The following TICAM2 variants were observed in gnomAD, a reference collection of about 807,000 sequenced individuals.
TICAM2 encodes TIR domain-containing adapter molecule 2.
TICAM2 carries 8 observed loss-of-function variants against 7.3 expected under a neutral mutation model. The observed-to-expected ratio is 1.10, with a 90% confidence interval of 0.65 to 1.99. The LOEUF (loss-of-function observed/expected upper bound fraction) is 1.99, where lower values mean the gene tolerates loss of function less well. TICAM2 is among the 30% of genes most tolerant of loss of function. TICAM2 has a pLI of 0.00. For synonymous variants in TICAM2, 113 were observed against 99.6 expected, an observed-to-expected ratio of 1.13 and a Z score of -0.80; for missense variants, 304 against 278.8, an observed-to-expected ratio of 1.09 and a Z score of -0.65.
Position 115,580,974 on chromosome 5 carries a change from T to C in TICAM2, c.283A>G (p.Arg95Gly). 1 of 1,613,834 alleles carries C rather than the reference T, an allele frequency of 6.2e-7. No individual in the cohort carries two copies. The highest frequency in any genetic ancestry group is 8.5e-7 in the Non-Finnish European group (1 of 1,179,818). The change falls in exon 2 of 2, where the codon AGA becomes GGA. Residue 95 changes from arginine to glycine, a missense_variant. By Grantham distance (125) the Arg-to-Gly change is moderately radical. Coordinates refer to ENST00000427199, the MANE Select transcript of TICAM2 (RefSeq NM_021649.7). ...HAEDDTDEAL[R>G]VQNLLQDDFG... ...TCATCTTGTAGCAGATTCTGGACTC[T>C]GAGGGCTTCATCTGTGTCATCTTCT...
At position 115,595,117 on chromosome 5, in the gene TICAM2, T is replaced by C. The variant is rs115505430; in HGVS notation, c.-60+6980A>G. Among the ~76,000 whole-genome samples the C allele has an allele frequency of 5.2e-3, 798 of 152,232 alleles. 7 individuals carry two copies. The highest frequency in any genetic ancestry group is 0.013 in the Admixed American group (199 of 15,286). ...AGTCATTCCCTCTGTTGACCAAAGT[T>C]TGCTTACTGGGTCAAGCGAATAGTA... On this transcript the variant is annotated intron_variant, in intron 1 of 1. Coordinates refer to ENST00000427199, the MANE Select transcript of TICAM2 (RefSeq NM_021649.7).
At chr5:115,600,728 G>C (rs1011135128) in intron 1 of TICAM2, among the ~76,000 whole-genome samples, 2 of 152,024 alleles carry the variant, frequency 1.3e-5, no homozygotes, top group African/African-American at 4.8e-5. Context: ...GGGGTAATGG[G>C]GACAAAAAGC....
At chr5:115,586,273 T>C (rs1308792412) in intron 1 of TICAM2, among the ~76,000 whole-genome samples, 3 of 152,204 alleles carry the variant, frequency 2.0e-5, no homozygotes, top group African/African-American at 7.2e-5. Context: ...TTATTTGTGT[T>C]GTGTTACAAA....
intron 1 of TICAM2, among the ~76,000 whole-genome samples, 169 bp from the exon 2 acceptor site, chr5:115,581,484 A>T (rs1019539407): frequency 6.6e-6 from 1 of 152,218 alleles, no homozygotes; most frequent in African/African-American, 2.4e-5. Flanking sequence ...TGTGAGCTTT[A>T]CAAGGGCTAT....
At chr5:115,599,016 C>G (rs1359985441) in intron 1 of TICAM2, among the ~76,000 whole-genome samples, 21 of 150,896 alleles carry the variant, frequency 1.4e-4, no homozygotes, top group Admixed American at 8.6e-4. Context: ...ATTGCTTGAG[C>G]CTGTGAGTTT....
At chr5:115,585,484 T>A (rs1755070544) in intron 1 of TICAM2, among the ~76,000 whole-genome samples, 1 of 152,250 alleles carries the variant, frequency 6.6e-6, no homozygotes, top group South Asian at 2.1e-4. Context: ...GGAAGCAGCA[T>A]GGTTTACATT....
chr5:115,580,168 A>AT lies in TICAM2; in HGVS notation c.*380dup, dbSNP rs890852724. The AT allele has an allele frequency of 3.6e-4, 60 of 165,956 alleles. No individual in the cohort carries two copies. Among genetic ancestry groups the AT allele is most frequent in the African/African-American group, 1.2e-3 (52 of 41,862 alleles). The allele number at this position is 165,956 out of a possible 1,614,324, so 10.3% of individuals were successfully genotyped here. ...AAGTGTGATCAGATCTCCTGGGGCC[A>AT]TTTTTTTTCTGTGTCCTTTGAGATC... On this transcript the variant is annotated 3_prime_UTR_variant, in exon 2 of 2. Coordinates refer to ENST00000427199, the MANE Select transcript of TICAM2 (RefSeq NM_021649.7).
chr5:115,580,553 G>A lies in TICAM2; in HGVS notation c.704C>T (p.Ala235Val), dbSNP rs758184550. 3.8e-6 allele frequency: 6 copies of A among 1,587,668 alleles called. No homozygotes were observed. Among genetic ancestry groups the A allele is most frequent in the Non-Finnish European group, 4.3e-6 (5 of 1,170,780 alleles). ...TRNMVQRQFI[A>V] ...CCACATGTTATATGTTTCATCTCAG[G>A]CAATAAATTGTCTTTGTACCATATT... Residue 235 changes from alanine (A) to valine (V), a missense_variant, in exon 2 of 2, where the codon GCC becomes GTC. Coordinates refer to ENST00000427199, the MANE Select transcript of TICAM2 (RefSeq NM_021649.7).
intron 1 of TICAM2, among the ~76,000 whole-genome samples, chr5:115,584,677 A>G (rs1755041413): frequency 6.6e-6 from 1 of 152,234 alleles, no homozygotes; most frequent in African/African-American, 2.4e-5. Context: ...ACATAAGAGA[A>G]AAACTACCAA....
chr5:115,582,137 G>GTTAT (rs1168745618), intron 1 of TICAM2, among the ~76,000 whole-genome samples: 5 of 151,934 alleles, frequency 3.3e-5, no homozygotes, highest in African/African-American at 1.2e-4. Context: ...TGTTTTTGTT[G>GTTAT]TTATTTATTT....
In TICAM2 at chr5:115,599,046, T is replaced by C. The variant is rs192280494; in HGVS notation, c.-60+3051A>G. Among the ~76,000 whole-genome samples the C allele has an allele frequency of 5.7e-3, 819 of 143,136 alleles. 3 individuals are homozygous for C. Among genetic ancestry groups the C allele is most frequent in the African/African-American group, 0.02 (769 of 38,548 alleles). The allele number at this position is 143,136 out of a possible 152,430, so 93.9% of individuals were successfully genotyped here. Reference sequence around the variant, plus strand: ...GAGTTTAAGACCAGCCTGGGCAACATAGCAAGACCTTGTCTCAAAAAAAAA... The same window carrying C: ...GAGTTTAAGACCAGCCTGGGCAACACAGCAAGACCTTGTCTCAAAAAAAAA... On this transcript the variant is annotated intron_variant, in intron 1 of 1. Coordinates refer to ENST00000427199, the MANE Select transcript of TICAM2 (RefSeq NM_021649.7).
At chr5:115,582,352 T>G (rs988941175) in intron 1 of TICAM2, among the ~76,000 whole-genome samples, 1 of 150,450 alleles carries the variant, frequency 6.6e-6, no homozygotes, top group Non-Finnish European at 1.5e-5. Context: ...TTTTTTTTTT[T>G]TGGTAGAGAT....
chr5:115,598,020 G>T (rs900070904), intron 1 of TICAM2, among the ~76,000 whole-genome samples: 1 of 151,986 alleles, frequency 6.6e-6, no homozygotes, highest in East Asian at 1.9e-4. Context: ...AAGAACTCAC[G>T]TGTTCTTCAC....
In TICAM2 at chr5:115,602,425, C is replaced by G. The variant is rs1458946079; in HGVS notation, c.-388G>C. ...GCTGCTTTGCCGTGGCAGGCCCCACCCGGGACGTGGCGCTGCGGGCCGGGG... is the reference window on the plus strand; with the variant it reads ...GCTGCTTTGCCGTGGCAGGCCCCACGCGGGACGTGGCGCTGCGGGCCGGGG... On this transcript the variant is annotated 5_prime_UTR_variant, in exon 1 of 2. Coordinates refer to ENST00000427199, the MANE Select transcript of TICAM2 (RefSeq NM_021649.7). 1.3e-5 allele frequency: 2 copies of G among 152,602 alleles called. No homozygotes were observed. The highest frequency in any genetic ancestry group is 2.9e-5 in the Non-Finnish European group (2 of 68,364). 9.5% of individuals were successfully genotyped at this position (152,602 alleles called of 1,614,324 possible).
intron 1 of TICAM2, among the ~76,000 whole-genome samples, chr5:115,596,296 G>T (rs1755507641): frequency 6.6e-6 from 1 of 152,250 alleles, no homozygotes; most frequent in Admixed American, 6.5e-5. Flanking sequence ...CAACAGCCAG[G>T]ATGATCTTTC....
rs1754861817 is a variant in TICAM2 at position 115,580,121 on chromosome 5, C to A, written c.*428G>T. ...AGTACCCGAATGCTTATTGCAACAT[C>A]CATGAGAGGTGCCTCAGGAGGAAGT... On this transcript the variant is annotated 3_prime_UTR_variant, in exon 2 of 2. Coordinates refer to ENST00000427199, the MANE Select transcript of TICAM2 (RefSeq NM_021649.7). The A allele has an allele frequency of 6.4e-6, 1 of 157,216 alleles. No homozygotes were observed. Among genetic ancestry groups the A allele is most frequent in the Non-Finnish European group, 1.4e-5 (1 of 71,546 alleles). The allele number at this position is 157,216 out of a possible 1,614,324, so 9.7% of individuals were successfully genotyped here. A position where few individuals can be genotyped will look rare whatever the true frequency, so the allele number is the denominator to read the frequency against.
Position 115,581,154 on chromosome 5 carries a change from T to C in TICAM2, c.103A>G (p.Lys35Glu), listed in dbSNP as rs1429050167. The C allele has an allele frequency of 8.1e-6, 13 of 1,614,032 alleles. No individual in the cohort carries two copies. The South Asian group carries it at 1.1e-4, about 14-fold the overall frequency. ...CACAAGGATAGATCTTCAGACTTCT[T>C]GGAATCTGACTCATGATATCCTGGA... Reference protein sequence around the residue: ...TSPGYHESDSKKSEDLSLCNV... With the variant: ...TSPGYHESDSEKSEDLSLCNV... The change falls in exon 2 of 2, where the codon AAG (lysine) becomes GAG (glutamate). Residue 35 changes from lysine (K) to glutamate (E), a missense_variant. Physicochemically the swap from Lys to Glu is moderately conservative, Grantham distance 56. Transcript: ENST00000427199.
chr5:115,600,482 A>G (rs1039566659), intron 1 of TICAM2, among the ~76,000 whole-genome samples: 1 of 152,224 alleles, frequency 6.6e-6, no homozygotes, highest in African/African-American at 2.4e-5. Flanking sequence ...ACTCTGTGGC[A>G]TACTAAGATT....
chr5:115,583,679 G>T (rs1331699454), intron 1 of TICAM2, among the ~76,000 whole-genome samples: 5 of 152,202 alleles, frequency 3.3e-5, no homozygotes, highest in Non-Finnish European at 7.3e-5. Flanking sequence ...GAGATGGTCA[G>T]GATTCCTTAG....
Sources: gnomAD v4.1 joint callset for allele counts (sites outside exome capture counted in the v4.1 genomes callset) on GRCh38, gnomAD v4.1.1 for gene constraint, MANE v1.5 for transcripts, NCBI Gene and HGNC (gene_info 2026-07-23, HGNC 2026-07-21) for gene names.